Variants in CPSF4 observed in about 807,000 individuals in gnomAD.
The protein encoded by CPSF4 is cleavage and polyadenylation specificity factor subunit 4.
In CPSF4, 11 loss-of-function variants were observed where a neutral mutation model predicts 37.7. The observed-to-expected ratio is 0.29, with a 90% confidence interval of 0.18 to 0.48. The LOEUF is 0.48. Ranked by LOEUF, CPSF4 falls within the 20% of genes least tolerant of loss-of-function variation. The pLI is 0.99. For synonymous variants in CPSF4, 132 were observed against 135.9 expected, an observed-to-expected ratio of 0.97 and a Z score of 0.20; for missense variants, 144 against 359.5, an observed-to-expected ratio of 0.40 and a Z score of 4.85.
chr7:99,439,274 T>G, intron 1 of CPSF4, 89 bp downstream of exon 1: 1 of 930,992 alleles, frequency 1.1e-6, no homozygotes, highest in African/African-American at 1.7e-5. Flanking sequence ...GCCTCGGTCC[T>G]GAGACCTCCC....
Position 99,457,173 on chromosome 7 carries a change from C to T in CPSF4, c.*673C>T, listed in dbSNP as rs1361132289. The T allele has an allele frequency of 1.9e-5, 3 of 160,756 alleles. No individual in the cohort carries two copies. Among genetic ancestry groups the T allele is most frequent in the Admixed American group, 1.7e-4 (3 of 17,414 alleles). 10.0% of individuals were successfully genotyped at this position (160,756 alleles called of 1,614,324 possible). On this transcript the variant is annotated 3_prime_UTR_variant, in exon 8 of 8. Coordinates refer to ENST00000292476, the MANE Select transcript of CPSF4 (RefSeq NM_006693.4). ...AGTTGCAGACTTTTAAATAGATGACCCCTTCAGATCATCTGTGCCTACCTC... is the reference window on the plus strand; with the variant it reads ...AGTTGCAGACTTTTAAATAGATGACTCCTTCAGATCATCTGTGCCTACCTC...
intron 5 of CPSF4, 82 bp downstream of exon 5, chr7:99,450,877 G>A: frequency 9.8e-7 from 1 of 1,024,232 alleles, no homozygotes; most frequent in Non-Finnish European, 1.5e-6. Context: ...GGGCCAACTG[G>A]GCCTTGGTCA....
intron 1 of CPSF4, among the ~76,000 whole-genome samples, chr7:99,443,746 C>T (rs1797230024): frequency 6.6e-6 from 1 of 151,938 alleles, no homozygotes; most frequent in South Asian, 2.1e-4. Flanking sequence ...TGGCAAAACC[C>T]TATCTCTACT....
rs562123922 is a variant in CPSF4, at chr7:99,443,336, T to G, written c.104-1453T>G. The G allele has an allele frequency of 1.8e-4, 175 of 975,640 alleles. 1 individual carries two copies. The highest frequency in any genetic ancestry group is 1.7e-3 in the Middle Eastern group (7 of 4,226). The allele number at this position is 975,640 out of a possible 1,614,324, so 60.4% of individuals were successfully genotyped here. A position where few individuals can be genotyped will look rare whatever the true frequency, so the allele number is the denominator to read the frequency against. ...TTTCTTCTTCTGTTTCATCTCCTAG[T>G]ACATCTTCATTTGCCTCCTCTTCAG... On this transcript the variant is annotated intron_variant, in intron 1 of 7. Transcript: ENST00000292476.
At position 99,440,674 on chromosome 7, in the gene CPSF4, A is replaced by ATATATATATATATATGTTTTTTTTTT; in HGVS notation, c.103+1490_103+1491insATATATATATATATGTTTTTTTTTTT. On this transcript the variant is annotated intron_variant, in intron 1 of 7. Coordinates refer to ENST00000292476, the MANE Select transcript of CPSF4 (RefSeq NM_006693.4). Reference sequence around the variant, plus strand: ...ACCTGGCATATATATATATATATATATTTTTTTTTTTTTTTTTTTCCTGCC... The same window carrying ATATATATATATATATGTTTTTTTTTT: ...ACCTGGCATATATATATATATATATATATATATATATATATGTTTTTTTTTTTTTTTTTTTTTTTTTTTTTCCTGCC... 1.0e-3 allele frequency among the ~76,000 whole-genome samples: 90 copies of ATATATATATATATATGTTTTTTTTTT among 88,082 alleles called. 3 individuals carry two copies. The highest frequency in any genetic ancestry group is 1.4e-3 in the Non-Finnish European group (74 of 54,758). The allele number at this position is 88,082 out of a possible 152,430, so 57.8% of individuals were successfully genotyped here.
chr7:99,455,359 C>T (rs994882360), intron 7 of CPSF4, among the ~76,000 whole-genome samples: 9 of 152,158 alleles, frequency 5.9e-5, no homozygotes, highest in South Asian at 2.1e-4. Flanking sequence ...TACAGCCCAT[C>T]GGCAGCCTCT....
chr7:99,445,061 C>T (rs1308662399), intron 2 of CPSF4, among the ~76,000 whole-genome samples: 6 of 152,216 alleles, frequency 3.9e-5, no homozygotes, highest in Non-Finnish European at 5.9e-5. Flanking sequence ...CTTATCACTT[C>T]GCATTCCCCG....
At chr7:99,456,363 A>T in intron 7 of CPSF4, 69 bp from the exon 8 acceptor site, 1 of 1,409,270 alleles carries the variant, frequency 7.1e-7, no homozygotes, top group Non-Finnish European at 1.0e-6. Context: ...GCACTCCCTT[A>T]GTTGAAAACT....
chr7:99,455,307 G>T (rs1304588085), intron 7 of CPSF4, among the ~76,000 whole-genome samples: 1 of 152,190 alleles, frequency 6.6e-6, no homozygotes, highest in African/African-American at 2.4e-5. Flanking sequence ...CAGATGCCGT[G>T]AGCAGGGTGT....
chr7:99,443,755 C>A (rs563678498), intron 1 of CPSF4, among the ~76,000 whole-genome samples: 31 of 151,920 alleles, frequency 2.0e-4, no homozygotes, highest in Non-Finnish European at 3.7e-4. Flanking sequence ...CCTATCTCTA[C>A]TAAAAATACA....
At chr7:99,447,869 C>T (rs1254159451) in intron 2 of CPSF4, 1 of 552,218 alleles carries the variant, frequency 1.8e-6, no homozygotes, top group Admixed American at 2.3e-5. Flanking sequence ...CTCGGCCTTC[C>T]AAAGTGCTGG....
chr7:99,450,892 G>T (rs957063283), intron 5 of CPSF4, 97 bp downstream of exon 5: 2 of 846,882 alleles, frequency 2.4e-6, no homozygotes, highest in East Asian at 5.0e-5. Flanking sequence ...TGGTCACTGG[G>T]TGATGTCAGT....
intron 1 of CPSF4, chr7:99,441,322 C>A (rs1796959999): frequency 2.3e-6 from 1 of 441,592 alleles, no homozygotes; most frequent in Non-Finnish European, 4.6e-6. Context: ...CTTTTCCTCC[C>A]ACCCTTCTGC....
At chr7:99,442,228 C>T (rs1797048207) in intron 1 of CPSF4, among the ~76,000 whole-genome samples, 2 of 152,206 alleles carry the variant, frequency 1.3e-5, no homozygotes, top group Admixed American at 1.3e-4. Context: ...TCAGTTTAGT[C>T]TGGCAGCTGG....
chr7:99,440,674 A>ATATTTT, intron 1 of CPSF4, among the ~76,000 whole-genome samples: 8 of 88,130 alleles, frequency 9.1e-5, no homozygotes, highest in African/African-American at 6.8e-4. Flanking sequence ...ATATATATAT[A>ATATTTT]TTTTTTTTTT....
chr7:99,454,126 C>T lies in CPSF4; in HGVS notation c.731C>T (p.Thr244Ile), dbSNP rs1798130148. Residue 244 changes from threonine (T) to isoleucine (I), a missense_variant, in exon 7 of 8, where the codon ACC becomes ATC. This residue lies in a region of CPSF4 where 86 missense variants were observed against 141.5 expected (regional missense o/e 0.61). Transcript: ENST00000292476. The part of the protein sequence containing the change: ...NRGPRPLEQV[T>I]CYKCGEKGHY... ...GGACCCCGGCCACTGGAGCAGGTCACCTGTTACAAGGTGAGTCCCTGGGCT... is the reference window on the plus strand; with the variant it reads ...GGACCCCGGCCACTGGAGCAGGTCATCTGTTACAAGGTGAGTCCCTGGGCT... 1.2e-6 allele frequency: 2 copies of T among 1,613,700 alleles called. No individual in the cohort carries two copies. The highest frequency in any genetic ancestry group is 1.7e-6 in the Non-Finnish European group (2 of 1,179,838).
chr7:99,450,617 G>C, intron 4 of CPSF4, 85 bp from the exon 5 acceptor site: 1 of 1,149,798 alleles, frequency 8.7e-7, no homozygotes, highest in Admixed American at 1.7e-5. Flanking sequence ...TCCCATGAAT[G>C]GGGGACAGCC....
intron 4 of CPSF4, 61 bp downstream of exon 4, chr7:99,450,432 AC>A (rs1797852094): frequency 1.6e-6 from 2 of 1,217,074 alleles, no homozygotes; most frequent in Admixed American, 3.8e-5. Flanking sequence ...TCTGCCCACG[AC>A]CCTGGAGGCT....
At chr7:99,451,529 C>T (rs1263488315) in intron 5 of CPSF4, among the ~76,000 whole-genome samples, 1 of 152,220 alleles carries the variant, frequency 6.6e-6, no homozygotes, top group African/African-American at 2.4e-5. Flanking sequence ...CACTTGAACC[C>T]AGGAGGTGGA....
Sources: allele counts gnomAD v4.1 joint callset (sites outside exome capture counted in the v4.1 genomes callset), GRCh38; gene constraint gnomAD v4.1.1; regional missense constraint gnomAD v4.1.1; transcripts MANE v1.5; gene names NCBI Gene and HGNC (gene_info 2026-07-23, HGNC 2026-07-21).